RIC1: variants seen among roughly 807,000 people sequenced by gnomAD.
The protein encoded by RIC1 is guanine nucleotide exchange factor subunit RIC1.
RIC1 carries 88 observed loss-of-function variants against 169.0 expected under a neutral mutation model. The observed-to-expected ratio is 0.52, with a 90% confidence interval of 0.44 to 0.62. RIC1 has a LOEUF of 0.62. Among genes scored for constraint, RIC1 ranks in the 20% least tolerant of loss-of-function variants. The pLI, the probability that RIC1 is intolerant of heterozygous loss-of-function variation, is 0.00. For synonymous variants in RIC1, 790 were observed against 601.5 expected, an observed-to-expected ratio of 1.31 and a Z score of -4.59; for missense variants, 1,877 against 1,725.5, an observed-to-expected ratio of 1.09 and a Z score of -1.56.
chr9:5,771,386 T>C (rs775172625), intron 23 of RIC1, among the ~76,000 whole-genome samples: 2 of 152,196 alleles, frequency 1.3e-5, no homozygotes, highest in African/African-American at 4.8e-5. Flanking sequence ...GAGCATGTTT[T>C]ATTCCTTTGT....
At chr9:5,662,315 G>T (rs1477622793) in intron 2 of RIC1, among the ~76,000 whole-genome samples, 1 of 152,150 alleles carries the variant, frequency 6.6e-6, no homozygotes, top group African/African-American at 2.4e-5. Context: ...TCTCTGCCAG[G>T]TTTTGGTATC....
chr9:5,733,241 C>T (rs10758705), intron 7 of RIC1, among the ~76,000 whole-genome samples: 58,249 of 150,782 alleles, frequency 0.39, 13,303 homozygotes, highest in East Asian at 0.85. Flanking sequence ...CATATCATCA[C>T]CACCCAATTT....
At chr9:5,663,645 C>G (rs922390625) in intron 2 of RIC1, among the ~76,000 whole-genome samples, 2 of 152,078 alleles carry the variant, frequency 1.3e-5, no homozygotes, top group African/African-American at 2.4e-5. Flanking sequence ...GTGGTTCTTT[C>G]TGTTTTCCAT....
chr9:5,682,367 C>G (rs1563895650), intron 2 of RIC1, among the ~76,000 whole-genome samples: 1 of 152,182 alleles, frequency 6.6e-6, no homozygotes, highest in Non-Finnish European at 1.5e-5. Context: ...GGGACAAAAT[C>G]TCTCAGCATT....
chr9:5,774,581 C>A lies in RIC1; in HGVS notation c.*335C>A, dbSNP rs1432587904. 5.3e-6 allele frequency: 1 copy of A among 187,662 alleles called. No homozygotes were observed. Among genetic ancestry groups the A allele is most frequent in the Non-Finnish European group, 1.1e-5 (1 of 90,766 alleles). 11.6% of individuals were successfully genotyped at this position (187,662 alleles called of 1,614,324 possible). Reference sequence around the variant, plus strand: ...GGTGAGCTTACTTTTTCACTACTTACATCTTCTCACATTTCCCGGTTCTGC... The same window carrying A: ...GGTGAGCTTACTTTTTCACTACTTAAATCTTCTCACATTTCCCGGTTCTGC... On this transcript the variant is annotated 3_prime_UTR_variant, in exon 26 of 26. Coordinates refer to ENST00000414202, the MANE Select transcript of RIC1 (RefSeq NM_020829.4).
At chr9:5,636,408 C>G (rs1325531557) in intron 1 of RIC1, among the ~76,000 whole-genome samples, 1 of 152,130 alleles carries the variant, frequency 6.6e-6, no homozygotes, top group African/African-American at 2.4e-5. Context: ...CAGCCTCTGC[C>G]TCCTGGGTTC....
chr9:5,639,714 T>C lies in RIC1; in HGVS notation c.144+10261T>C, dbSNP rs530632015. On this transcript the variant is annotated intron_variant, in intron 1 of 25. Transcript: ENST00000414202. ...AGTCTCCAGCTATCATATTGAGGTC[T>C]AGCTCTCTCTTTAGCCCTAATAATG... Among the ~76,000 whole-genome samples the C allele has an allele frequency of 3.9e-5, 6 of 152,334 alleles. No homozygotes were observed. The South Asian group carries it at 1.2e-3, about 32-fold the overall frequency.
chr9:5,726,125 T>G (rs1823964051), intron 6 of RIC1, among the ~76,000 whole-genome samples: 5 of 152,138 alleles, frequency 3.3e-5, no homozygotes, highest in Admixed American at 2.0e-4. Context: ...TTTCTGTCTC[T>G]TTGATCTGTC....
intron 2 of RIC1, among the ~76,000 whole-genome samples, chr9:5,672,576 C>T (rs888306196): frequency 2.0e-5 from 3 of 152,028 alleles, no homozygotes; most frequent in African/African-American, 7.2e-5. Context: ...AAGAGACCTG[C>T]AGGAGCAAAT....
intron 1 of RIC1, among the ~76,000 whole-genome samples, chr9:5,645,199 G>A (rs1182657125): frequency 2.0e-5 from 3 of 151,968 alleles, no homozygotes; most frequent in Non-Finnish European, 4.4e-5. Flanking sequence ...GACTACAGAT[G>A]CCCAACAGCA....
chr9:5,653,619 A>G (rs1041953818), intron 1 of RIC1, among the ~76,000 whole-genome samples: 2 of 142,816 alleles, frequency 1.4e-5, no homozygotes, highest in East Asian at 2.0e-4. Context: ...TTTTTTTGAG[A>G]CGGAGTTTCA....
intron 5 of RIC1, 97 bp from the exon 6 acceptor site, chr9:5,720,517 T>A: frequency 7.7e-7 from 1 of 1,290,372 alleles, no homozygotes. Context: ...AGGTCATTAT[T>A]TTTACCCTTT....
chr9:5,662,656 T>A (rs1819526372), intron 2 of RIC1, among the ~76,000 whole-genome samples: 1 of 152,210 alleles, frequency 6.6e-6, no homozygotes, highest in South Asian at 2.1e-4. Context: ...CTGATGATTG[T>A]TTGTATTTCT....
intron 3 of RIC1, among the ~76,000 whole-genome samples, chr9:5,695,919 C>G (rs948545262): frequency 1.3e-5 from 2 of 151,378 alleles, no homozygotes; most frequent in Non-Finnish European, 2.9e-5. Context: ...CACTCACTTA[C>G]CCCCTGCCAA....
At chr9:5,768,901 C>T (rs905815536) in intron 21 of RIC1, 69 bp from the exon 22 acceptor site, 1 of 1,488,592 alleles carries the variant, frequency 6.7e-7, no homozygotes, top group Non-Finnish European at 9.0e-7. Flanking sequence ...ATCAGTACCT[C>T]TGCGTAATAA....
chr9:5,678,821 T>G (rs1322925583), intron 2 of RIC1, among the ~76,000 whole-genome samples: 3 of 152,176 alleles, frequency 2.0e-5, no homozygotes, highest in Admixed American at 6.5e-5. Context: ...GGTAGTTTCT[T>G]TTGCTGTGCA....
chr9:5,735,641 T>C (rs967389351), intron 7 of RIC1, among the ~76,000 whole-genome samples: 2 of 152,360 alleles, frequency 1.3e-5, no homozygotes, highest in Non-Finnish European at 2.9e-5. Context: ...AGTCCAGATC[T>C]GCCAACACTT....
At position 5,656,603 on chromosome 9, in the gene RIC1, C is replaced by A; in HGVS notation, c.165C>A (p.Thr55=). ...CACAGCCTAGTGTGTTAATTGTAAC[C>A]TACAAGGAGCCTGCAAAATCATCTA... ...WYSRPSVLIV[T]YKEPAKSSTQ... The change falls in exon 2 of 26, where the codon ACC becomes ACA. Residue 55 remains threonine, a synonymous_variant. Transcript: ENST00000414202. 1 of 1,600,682 alleles carries A rather than the reference C, an allele frequency of 6.2e-7. No individual in the cohort carries two copies. The highest frequency in any genetic ancestry group is 8.5e-7 in the Non-Finnish European group (1 of 1,172,430).
In RIC1 at chr9:5,738,359, C is replaced by T. The variant is rs985081785; in HGVS notation, c.813-91C>T. 9 of 838,952 alleles carry T rather than the reference C, an allele frequency of 1.1e-5. No homozygotes were observed. The African/African-American group carries it at 1.6e-4, about 15-fold the overall frequency. 52.0% of individuals were successfully genotyped at this position (838,952 alleles called of 1,614,324 possible). A position where few individuals can be genotyped will look rare whatever the true frequency, so the allele number is the denominator to read the frequency against. On this transcript the variant is annotated intron_variant, in intron 7 of 25. Transcript: ENST00000414202. ...CAAAGTGGTTTTGTTCTAGTTTACA[C>T]TCCCACCAGCAAAACATAAGAGTTC...
Sources: gnomAD v4.1 joint callset for allele counts (sites outside exome capture counted in the v4.1 genomes callset) on GRCh38, gnomAD v4.1.1 for gene constraint, MANE v1.5 for transcripts, NCBI Gene and HGNC (gene_info 2026-07-23, HGNC 2026-07-21) for gene names.